The following SERPINE2 variants were observed in gnomAD, a reference collection of about 807,000 sequenced individuals.
SERPINE2 encodes the protein glia-derived nexin.
In SERPINE2, 14 loss-of-function variants were observed where a neutral mutation model predicts 36.3. That is an observed-to-expected ratio of 0.39 (90% CI 0.25 to 0.60). The LOEUF is 0.60. Among genes scored for constraint, SERPINE2 ranks in the 20% least tolerant of loss-of-function variants. The pLI, the probability that SERPINE2 is intolerant of heterozygous loss-of-function variation, is 0.57. For synonymous variants in SERPINE2, 192 were observed against 191.8 expected (o/e 1.00, Z -0.01); for missense variants, 418 against 499.6 (o/e 0.84, Z 1.56).
intron 3 of SERPINE2, among the ~76,000 whole-genome samples, chr2:223,993,530 A>ATGTGTG (rs36049464): frequency 0.15 from 22,220 of 149,760 alleles, 1,846 homozygotes; most frequent in Non-Finnish European, 0.19. Context: ...GCTCAAATAT[A>ATGTGTG]TGTGTGTGTG....
At chr2:223,988,820 C>G (rs1218246271) in intron 4 of SERPINE2, among the ~76,000 whole-genome samples, 2 of 152,136 alleles carry the variant, frequency 1.3e-5, no homozygotes, top group African/African-American at 4.8e-5. Context: ...TAGCATGATA[C>G]ATTTGTATTA....
Position 223,996,602 on chromosome 2 carries a change from C to A in SERPINE2, c.487+1513G>T, listed in dbSNP as rs964808668. On this transcript the variant is annotated intron_variant, in intron 3 of 8. Coordinates refer to ENST00000409304, the MANE Select transcript of SERPINE2 (RefSeq NM_001136528.2). The stretch of plus-strand genomic sequence containing the variant: ...GACTGGGAGTTGCCAGCCACTCCCT[C>A]GGCGATTCCAATGCAGTGGGCTGGG... 2.6e-5 allele frequency among the ~76,000 whole-genome samples: 4 copies of A among 152,152 alleles called. No homozygotes were observed. In the East Asian group the frequency reaches 7.7e-4, roughly 29 times the overall value.
At chr2:224,006,110 T>A (rs1691414300) in intron 1 of SERPINE2, among the ~76,000 whole-genome samples, 1 of 152,234 alleles carries the variant, frequency 6.6e-6, no homozygotes, top group Admixed American at 6.5e-5. Context: ...ATAAATAGAC[T>A]GCTTGCCAAT....
intron 1 of SERPINE2, among the ~76,000 whole-genome samples, chr2:224,034,917 C>T (rs1282855760): frequency 6.6e-6 from 1 of 152,214 alleles, no homozygotes; most frequent in Non-Finnish European, 1.5e-5. Flanking sequence ...TCTTCAGAAA[C>T]TCGGGTACAA....
intron 1 of SERPINE2, among the ~76,000 whole-genome samples, chr2:224,032,459 G>A (rs186869820): frequency 0.02 from 3,048 of 152,266 alleles, 48 homozygotes; most frequent in Middle Eastern, 0.031. Flanking sequence ...ATGCTCTCAA[G>A]AGAAATTCCC....
chr2:224,026,143 G>A (rs762605748), intron 1 of SERPINE2, among the ~76,000 whole-genome samples: 9 of 152,212 alleles, frequency 5.9e-5, no homozygotes, highest in Non-Finnish European at 1.0e-4. Flanking sequence ...CGTGACCTTA[G>A]CAGCTGCCTG....
chr2:223,982,460 T>A (rs1418641197), intron 6 of SERPINE2: 2 of 411,986 alleles, frequency 4.9e-6, no homozygotes, highest in Non-Finnish European at 8.7e-6. Flanking sequence ...ACCACTTGTA[T>A]CCCAAAAACT....
intron 1 of SERPINE2, chr2:224,013,790 G>A (rs1559213758): frequency 6.6e-6 from 1 of 152,274 alleles, no homozygotes; most frequent in African/African-American, 2.4e-5. Context: ...ACCGTGTCAG[G>A]AGGCTGGGGC....
intron 1 of SERPINE2, chr2:224,031,067 G>A (rs1692347309): frequency 1.0e-6 from 1 of 983,704 alleles, no homozygotes; most frequent in Non-Finnish European, 1.2e-6. Flanking sequence ...CTTGAAAGGA[G>A]GAGTGTGCTT....
intron 1 of SERPINE2, among the ~76,000 whole-genome samples, chr2:224,016,622 C>T (rs1195754974): frequency 6.6e-6 from 1 of 152,008 alleles, no homozygotes; most frequent in Non-Finnish European, 1.5e-5. Flanking sequence ...TCCAGCAATG[C>T]TGGACATTTA....
chr2:223,993,160 C>T (rs1286149251), intron 3 of SERPINE2, among the ~76,000 whole-genome samples: 1 of 151,628 alleles, frequency 6.6e-6, no homozygotes, highest in Non-Finnish European at 1.5e-5. Context: ...TTTAAAAAGA[C>T]AGAAAAAATT....
chr2:224,014,980 G>T (rs1410834643), intron 1 of SERPINE2, among the ~76,000 whole-genome samples: 2 of 151,858 alleles, frequency 1.3e-5, no homozygotes, highest in Non-Finnish European at 2.9e-5. Flanking sequence ...ACTATCTGAA[G>T]ACATTTTTTT....
At chr2:224,037,949 A>G (rs1298463462) in intron 1 of SERPINE2, among the ~76,000 whole-genome samples, 1 of 152,234 alleles carries the variant, frequency 6.6e-6, no homozygotes, top group Non-Finnish European at 1.5e-5. Context: ...TCAGGTTAGT[A>G]CCTTCATTTG....
intron 8 of SERPINE2, among the ~76,000 whole-genome samples, chr2:223,976,521 G>C (rs1320704963): frequency 1.3e-5 from 2 of 152,216 alleles, no homozygotes; most frequent in Admixed American, 1.3e-4. Flanking sequence ...GGCTGGCTCA[G>C]TTCTGGGGCA....
chr2:223,979,181 G>A (rs1376110170), intron 7 of SERPINE2: 2 of 152,130 alleles, frequency 1.3e-5, no homozygotes, highest in East Asian at 3.9e-4. Context: ...CCTGCACTGG[G>A]TTTAATACTC....
intron 1 of SERPINE2, among the ~76,000 whole-genome samples, chr2:224,025,429 C>A (rs978804633): frequency 4.6e-5 from 7 of 152,208 alleles, no homozygotes; most frequent in Non-Finnish European, 7.3e-5. Context: ...AATTCCCATG[C>A]ATGCTTGGAT....
At chr2:224,002,905 G>C (rs1033973816) in intron 1 of SERPINE2, among the ~76,000 whole-genome samples, 7 of 152,076 alleles carry the variant, frequency 4.6e-5, no homozygotes, top group African/African-American at 1.7e-4. Context: ...ATAACTGAAT[G>C]GACAAGACTC....
rs10170379 is a variant in SERPINE2, at chr2:223,998,373, C to G, written c.260-31G>C. 3.3e-6 allele frequency: 5 copies of G among 1,527,994 alleles called. No homozygotes were observed. The East Asian group carries it at 1.1e-4, about 34-fold the overall frequency. The allele number at this position is 1,527,994 out of a possible 1,614,324, so 94.7% of individuals were successfully genotyped here. A position where few individuals can be genotyped will look rare whatever the true frequency, so the allele number is the denominator to read the frequency against. ...AGAGAAATCAGAAGATACAGCAATA[C>G]TTCCATAAGAATCTAGAAAAGTTTT... On this transcript the variant is annotated intron_variant, in intron 2 of 8. Coordinates refer to ENST00000409304, the MANE Select transcript of SERPINE2 (RefSeq NM_001136528.2).
At chr2:224,027,005 T>A (rs944624796) in intron 1 of SERPINE2, among the ~76,000 whole-genome samples, 5 of 152,128 alleles carry the variant, frequency 3.3e-5, no homozygotes, top group Non-Finnish European at 7.4e-5. Context: ...AAGGATTTAG[T>A]GGAGAGTCAA....
Sources: allele counts gnomAD v4.1 joint callset (sites outside exome capture counted in the v4.1 genomes callset), GRCh38; gene constraint gnomAD v4.1.1; transcripts MANE v1.5; gene names NCBI Gene and HGNC (gene_info 2026-07-23, HGNC 2026-07-21).